Variants in OTOF observed in about 807,000 individuals in gnomAD.
OTOF encodes the protein fer-1-like family member 2.
OTOF carries 218 observed loss-of-function variants against 236.8 expected under a neutral mutation model. The ratio of observed to expected loss-of-function variants is 0.92; its 90% CI spans 0.82 to 1.03. OTOF has a LOEUF of 1.03. Ranked by LOEUF, OTOF falls within the 50% of genes least tolerant of loss-of-function variation. OTOF has a pLI of 0.00. For synonymous variants in OTOF, 1,041 were observed against 1,072.5 expected (o/e 0.97, Z 0.57); for missense variants, 2,590 against 2,694.4 (o/e 0.96, Z 0.86).
chr2:26,531,655 C>T (rs1042392155), intron 2 of OTOF, among the ~76,000 whole-genome samples: 1 of 152,082 alleles, frequency 6.6e-6, no homozygotes, highest in Non-Finnish European at 1.5e-5. Context: ...TTTCATTTTT[C>T]ATTGTCTCCT....
At chr2:26,491,647 C>A (rs553272128) in intron 9 of OTOF, among the ~76,000 whole-genome samples, 7 of 152,104 alleles carry the variant, frequency 4.6e-5, no homozygotes, top group Non-Finnish European at 8.8e-5. Context: ...AGGATGGTGG[C>A]GCTCCCAAGA....
chr2:26,506,707 A>G (rs375152976), intron 5 of OTOF, among the ~76,000 whole-genome samples: 1 of 152,232 alleles, frequency 6.6e-6, no homozygotes, highest in African/African-American at 2.4e-5. Context: ...TTAAAAAACT[A>G]TACTTGTCCT....
chr2:26,486,150 ATGGATGGGTGGG>A (rs1467839238), intron 11 of OTOF, among the ~76,000 whole-genome samples: 1 of 140,476 alleles, frequency 7.1e-6, no homozygotes, highest in Non-Finnish European at 1.5e-5. Flanking sequence ...GGGTAGATAT[ATGGATGGGTGGG>A]TGGATGGGTG....
rs573793382 is a variant in OTOF, at chr2:26,460,648, T to C, written c.5812A>G (p.Asn1938Asp). Residue 1938 changes from asparagine to aspartate, a missense_variant and splice_region_variant, in exon 45 of 47, where the codon AAC becomes GAC. Transcript: ENST00000272371. This position sits in a 1 kb window ranked among gnomAD's most constrained non-coding sequence, Gnocchi z 5.3. ...RNEPDPLEKPNRPDTSFIWFL... is the reference protein window; with the variant it reads ...RNEPDPLEKPDRPDTSFIWFL... ...GGGCTGGGCCGGCAGGGCACTCACT[T>C]GGGTTTCTCTAGGGGGTCAGGTTCA... is the stretch of plus-strand genomic sequence containing the variant. 10 of 1,613,024 alleles carry C rather than the reference T, an allele frequency of 6.2e-6. No individual in the cohort carries two copies. The South Asian group carries it at 9.9e-5, about 16-fold the overall frequency.
intron 3 of OTOF, among the ~76,000 whole-genome samples, chr2:26,524,240 G>C (rs764357895): frequency 1.3e-5 from 2 of 151,910 alleles, no homozygotes; most frequent in Non-Finnish European, 2.9e-5. Context: ...GGATTTGGTG[G>C]CTGGCACCTG....
intron 12 of OTOF, among the ~76,000 whole-genome samples, chr2:26,484,168 G>C (rs906226450): frequency 3.3e-5 from 5 of 152,172 alleles, no homozygotes; most frequent in African/African-American, 1.2e-4. Context: ...AGAAACCTTG[G>C]CTCTCCCAGC....
chr2:26,549,147 G>A (rs565198589), intron 1 of OTOF, among the ~76,000 whole-genome samples: 1 of 152,078 alleles, frequency 6.6e-6, no homozygotes, highest in Non-Finnish European at 1.5e-5. Context: ...TTTGACCATA[G>A]GTTAAGAAAG....
intron 36 of OTOF, 129 bp downstream of exon 36, chr2:26,466,585 C>T: frequency 2.7e-6 from 3 of 1,090,948 alleles, no homozygotes; most frequent in Non-Finnish European, 4.1e-6. Context: ...GATCCTCCTG[C>T]CTTGGCCTCC....
intron 2 of OTOF, among the ~76,000 whole-genome samples, chr2:26,532,696 G>A (rs999300372): frequency 4.6e-5 from 7 of 152,044 alleles, no homozygotes; most frequent in African/African-American, 7.2e-5. Context: ...TCAGGAGCCC[G>A]GGGAGTGCTG....
At chr2:26,486,838 C>T (rs1426659853) in intron 11 of OTOF, among the ~76,000 whole-genome samples, 2 of 152,134 alleles carry the variant, frequency 1.3e-5, no homozygotes, top group African/African-American at 4.8e-5. Context: ...ATACAAGGAC[C>T]ACATGAGATC....
At chr2:26,519,134 T>C in intron 3 of OTOF, 25 bp from the exon 4 acceptor site, 1 of 1,471,680 alleles carries the variant, frequency 6.8e-7, no homozygotes, top group Non-Finnish European at 9.4e-7. Flanking sequence ...GGGGGCACGG[T>C]GGTAACATGG....
chr2:26,535,953 G>A (rs1248317821), intron 2 of OTOF, among the ~76,000 whole-genome samples: 1 of 152,244 alleles, frequency 6.6e-6, no homozygotes, highest in Non-Finnish European at 1.5e-5. Flanking sequence ...AGGGGCATCA[G>A]GTTGCCCCCT....
At chr2:26,471,171 C>T (rs369592244) in intron 30 of OTOF, 21 bp from the exon 31 acceptor site, 2 of 1,613,918 alleles carry the variant, frequency 1.2e-6, no homozygotes, top group African/African-American at 2.7e-5. Flanking sequence ...ACCAAGGAGA[C>T]AGGGGCAGAA....
rs201330496 is a variant in OTOF at position 26,466,072 on chromosome 2, G to A, written c.4505C>T (p.Thr1502Met). ...VLVRVYVVRATDLHPADINGK... is the reference protein window; with the variant it reads ...VLVRVYVVRAMDLHPADINGK... ...GTTGATGTCAGCAGGGTGCAGGTCC[G>A]TGGCCTGGAATGGGGAGAAGGGCTG... The change falls in exon 37 of 47, where the codon ACG becomes ATG. Residue 1502 changes from threonine to methionine, a missense_variant. Around this residue, in one of 2 missense-constraint regions of OTOF, gnomAD observed 1,211 missense variants for 1,352.8 expected, o/e 0.90. Transcript: ENST00000272371. The A allele has an allele frequency of 6.3e-5, 101 of 1,614,070 alleles. No individual in the cohort carries two copies. Among genetic ancestry groups the A allele is most frequent in the Middle Eastern group, 1.6e-4 (1 of 6,082 alleles).
chr2:26,472,036 C>A (rs568077450), intron 30 of OTOF, among the ~76,000 whole-genome samples: 1 of 152,206 alleles, frequency 6.6e-6, no homozygotes, highest in East Asian at 1.9e-4. Flanking sequence ...TACGCATGCA[C>A]ACATACATGC....
At chr2:26,529,951 T>C (rs1490247376) in intron 2 of OTOF, among the ~76,000 whole-genome samples, 1 of 152,162 alleles carries the variant, frequency 6.6e-6, no homozygotes. Flanking sequence ...TCTGGATGCC[T>C]CTGGCAGCTC....
At chr2:26,490,764 G>A (rs564918957) in intron 9 of OTOF, among the ~76,000 whole-genome samples, 89 of 152,256 alleles carry the variant, frequency 5.8e-4, no homozygotes, top group African/African-American at 1.7e-3. Flanking sequence ...CAGGGCTGTC[G>A]TGCTGAACTG....
chr2:26,553,190 G>T (rs989065635), intron 1 of OTOF, among the ~76,000 whole-genome samples: 2 of 152,124 alleles, frequency 1.3e-5, no homozygotes, highest in African/African-American at 4.8e-5. Flanking sequence ...CAGGCCCACT[G>T]CTCCCTCCCT....
At position 26,480,948 on chromosome 2, in the gene OTOF, C is replaced by T. The variant is rs767607675; in HGVS notation, c.1641G>A (p.Thr547=). The T allele has an allele frequency of 3.7e-6, 6 of 1,613,030 alleles. No individual in the cohort carries two copies. The South Asian group carries it at 4.4e-5, about 12-fold the overall frequency. ...TCAGGTCCTGATGCTCATCCAGCAG[C>T]GTGTAGTTACGTGTGGAGCCGTACA... ...VNMYGSTRNY[T]LLDEHQDLNE... The change falls in exon 15 of 47, where the codon ACG becomes ACA. Residue 547 remains threonine (T), a synonymous_variant. Coordinates refer to ENST00000272371, the MANE Select transcript of OTOF (RefSeq NM_194248.3).
Sources: gnomAD v4.1 joint callset for allele counts (sites outside exome capture counted in the v4.1 genomes callset) on GRCh38, gnomAD v4.1.1 for gene constraint, gnomAD v4.1.1 regional missense constraint, Gnocchi (gnomAD v3.1) non-coding constraint, MANE v1.5 for transcripts, NCBI Gene and HGNC (gene_info 2026-07-23, HGNC 2026-07-21) for gene names.